Variants in ANK3 observed in about 807,000 individuals in gnomAD.
ANK3 encodes ankyrin-3.
A neutral mutation model predicts 370.9 loss-of-function variants in ANK3; 57 were observed. That is an observed-to-expected ratio of 0.15 (90% confidence interval 0.12 to 0.19). The LOEUF is 0.19. ANK3 is among the 10% of genes least tolerant of loss of function. The pLI is 1.00. For missense variants in ANK3, 4,439 were observed against 5,302.1 expected (o/e 0.84, Z 5.06); for synonymous variants, 1,929 against 1,946.3 (o/e 0.99, Z 0.23).
chr10:60,376,578 T>C (rs944834447), intron 1 of ANK3, among the ~76,000 whole-genome samples: 1 of 152,226 alleles, frequency 6.6e-6, no homozygotes, highest in Admixed American at 6.5e-5. Context: ...ACTGGACTCA[T>C]ATGCTTTGGA....
At chr10:60,387,180 A>G (rs1178058762) in intron 1 of ANK3, among the ~76,000 whole-genome samples, 1 of 152,062 alleles carries the variant, frequency 6.6e-6, no homozygotes, top group African/African-American at 2.4e-5. Context: ...AAAATCCTAT[A>G]CAATATTTCT....
intron 9 of ANK3, among the ~76,000 whole-genome samples, chr10:60,211,376 G>T (rs1244533700): frequency 6.6e-6 from 1 of 152,110 alleles, no homozygotes; most frequent in African/African-American, 2.4e-5. Context: ...GAGAATGGAG[G>T]CGTTAAGGAT....
At chr10:60,433,514 A>T (rs900482438) in intron 2 of ANK3, among the ~76,000 whole-genome samples, 2 of 152,158 alleles carry the variant, frequency 1.3e-5, no homozygotes, top group Admixed American at 1.3e-4. Flanking sequence ...AATCACTTGA[A>T]TCCAGGAGGC....
intron 1 of ANK3, among the ~76,000 whole-genome samples, chr10:60,370,609 C>G (rs576190472): frequency 1.3e-5 from 2 of 152,268 alleles, no homozygotes; most frequent in African/African-American, 4.8e-5. Flanking sequence ...GTTCTTATCA[C>G]AAAGATTGCC....
At chr10:60,706,989 G>A (rs2079629151) in intron 1 of ANK3, among the ~76,000 whole-genome samples, 2 of 152,064 alleles carry the variant, frequency 1.3e-5, no homozygotes, top group Admixed American at 6.6e-5. Flanking sequence ...ATATATACAT[G>A]CTTATGTTTC....
At chr10:60,033,536 A>AAAACAAAC (rs1554812948) in intron 43 of ANK3, among the ~76,000 whole-genome samples, 3 of 98,394 alleles carry the variant, frequency 3.0e-5, no homozygotes, top group Non-Finnish European at 4.0e-5. Context: ...AAAAAAAAAA[A>AAAACAAAC]AAACTTGGAA....
At chr10:60,382,839 A>G (rs1009629400) in intron 1 of ANK3, among the ~76,000 whole-genome samples, 2 of 143,518 alleles carry the variant, frequency 1.4e-5, no homozygotes, top group Non-Finnish European at 3.0e-5. Flanking sequence ...CAATGCTTTT[A>G]TTGTTTTTTC....
intron 7 of ANK3, among the ~76,000 whole-genome samples, chr10:60,239,943 A>T (rs553445744): frequency 2.2e-3 from 336 of 151,128 alleles, no homozygotes; most frequent in African/African-American, 7.8e-3. Flanking sequence ...AATAAGATAA[A>T]TTTTTATACA....
chr10:60,438,429 G>A (rs1033752156), intron 2 of ANK3, among the ~76,000 whole-genome samples: 3 of 151,968 alleles, frequency 2.0e-5, no homozygotes, highest in Admixed American at 2.0e-4. Context: ...CCACCTTCCC[G>A]CTCCTCTGCT....
At chr10:60,291,604 GGTAA>G (rs2041415144) in intron 1 of ANK3, among the ~76,000 whole-genome samples, 1 of 152,030 alleles carries the variant, frequency 6.6e-6, no homozygotes, top group South Asian at 2.1e-4. Context: ...CACTGCTAAT[GGTAA>G]GTGTTTAATT....
chr10:60,698,741 G>T (rs2133414465), intron 1 of ANK3, among the ~76,000 whole-genome samples: 1 of 114,626 alleles, frequency 8.7e-6, no homozygotes, highest in East Asian at 3.1e-4. Context: ...ATCACACTCT[G>T]GGGACTGTTG....
rs115968888 is a variant in ANK3 at position 60,380,724 on chromosome 10, C to A, written c.114+8701G>T. 4.9e-3 allele frequency among the ~76,000 whole-genome samples: 749 copies of A among 152,200 alleles called. 3 individuals are homozygous for A. The highest frequency in any genetic ancestry group is 0.018 in the African/African-American group (728 of 41,526). On this transcript the variant is annotated intron_variant, in intron 1 of 43. Coordinates refer to ENST00000280772, the MANE Select transcript of ANK3 (RefSeq NM_020987.5). Reference sequence around the variant, plus strand: ...AGACCTTCCTGCAATAAAAAAATCACAGAGGGTCTATGATGAAAATGTCTA... The same window carrying A: ...AGACCTTCCTGCAATAAAAAAATCAAAGAGGGTCTATGATGAAAATGTCTA...
chr10:60,568,316 A>C (rs1241644139), intron 2 of ANK3, among the ~76,000 whole-genome samples: 1 of 152,216 alleles, frequency 6.6e-6, no homozygotes, highest in Non-Finnish European at 1.5e-5. Context: ...ATAGCCACTG[A>C]CATCAAAAAA....
At chr10:60,615,465 G>A (rs2078255888) in intron 1 of ANK3, among the ~76,000 whole-genome samples, 1 of 151,574 alleles carries the variant, frequency 6.6e-6, no homozygotes, top group South Asian at 2.1e-4. Flanking sequence ...CAAATCAATA[G>A]CATCAATGGT....
At chr10:60,380,702 C>T (rs540265622) in intron 1 of ANK3, among the ~76,000 whole-genome samples, 2 of 152,174 alleles carry the variant, frequency 1.3e-5, no homozygotes, top group East Asian at 3.9e-4. Context: ...ACTGGGTAGA[C>T]CTTCCTGCAA....
intron 2 of ANK3, among the ~76,000 whole-genome samples, chr10:60,483,416 A>T (rs2075273404): frequency 6.6e-6 from 1 of 152,234 alleles, no homozygotes; most frequent in African/African-American, 2.4e-5. Context: ...AAACCAAGGT[A>T]TAAGTCTGTA....
chr10:60,647,876 TCTCA>T (rs2078730052), intron 1 of ANK3, among the ~76,000 whole-genome samples: 1 of 148,698 alleles, frequency 6.7e-6, no homozygotes, highest in Non-Finnish European at 1.5e-5. Flanking sequence ...TGAGACAGAG[TCTCA>T]CTCTGTCACC....
intron 43 of ANK3, among the ~76,000 whole-genome samples, chr10:60,033,515 A>AC: frequency 1.0e-5 from 1 of 98,192 alleles, no homozygotes; most frequent in Non-Finnish European, 1.9e-5. Flanking sequence ...ACTCAGTCTC[A>AC]AAAAAAAAAA....
chr10:60,579,326 T>TA (rs763281984), intron 2 of ANK3, among the ~76,000 whole-genome samples: 9,575 of 68,966 alleles, frequency 0.14, 845 homozygotes, highest in Non-Finnish European at 0.17. Flanking sequence ...TCTCTCTCAA[T>TA]AAAAAAAAAA....
Sources: allele counts gnomAD v4.1 joint callset (sites outside exome capture counted in the v4.1 genomes callset), GRCh38; gene constraint gnomAD v4.1.1; transcripts MANE v1.5; gene names NCBI Gene and HGNC (gene_info 2026-07-23, HGNC 2026-07-21).